Variants in COL22A1 observed in about 807,000 individuals in gnomAD.
COL22A1 encodes collagen type XXII alpha 1 chain.
A neutral mutation model predicts 248.9 loss-of-function variants in COL22A1; 221 were observed. The ratio of observed to expected loss-of-function variants is 0.89; its 90% CI spans 0.80 to 0.99. The LOEUF is 0.99. Among genes scored for constraint, COL22A1 ranks in the 50% least tolerant of loss-of-function variants. COL22A1 has a pLI of 0.00. For missense variants in COL22A1, 2,240 were observed against 2,179.0 expected (o/e 1.03, Z -0.56); for synonymous variants, 891 against 793.4 (o/e 1.12, Z -2.07).
chr8:138,604,413 G>C (rs1818270865), intron 59 of COL22A1, among the ~76,000 whole-genome samples: 1 of 152,226 alleles, frequency 6.6e-6, no homozygotes, highest in East Asian at 1.9e-4. Flanking sequence ...CCCAGTGGCA[G>C]AGACAGAGAG....
chr8:138,776,709 T>C (rs1814494703), intron 15 of COL22A1, among the ~76,000 whole-genome samples: 1 of 152,056 alleles, frequency 6.6e-6, no homozygotes, highest in African/African-American at 2.4e-5. Context: ...AACGCTGCAT[T>C]TTCTGCCTCC....
rs909512784 is a variant in COL22A1, at chr8:138,660,780, GCA to G, written c.3241-302_3241-301del. Reference sequence around the variant, plus strand: ...ACACAGAACATGTGCATGCACGCATGCACACACACACACAGACACACAGACAC... The same window carrying G: ...ACACAGAACATGTGCATGCACGCATGCACACACACACAGACACACAGACAC... On this transcript the variant is annotated intron_variant, in intron 43 of 64. Transcript: ENST00000303045. 3.0e-4 allele frequency among the ~76,000 whole-genome samples: 39 copies of G among 128,284 alleles called. 1 individual carries two copies. The highest frequency in any genetic ancestry group is 1.2e-3 in the African/African-American group (39 of 31,284). 84.2% of individuals were successfully genotyped at this position (128,284 alleles called of 152,430 possible).
At chr8:138,655,225 T>C (rs973012398) in intron 45 of COL22A1, among the ~76,000 whole-genome samples, 16 of 152,222 alleles carry the variant, frequency 1.1e-4, no homozygotes, top group African/African-American at 3.4e-4. Context: ...ATTAAACATT[T>C]AGTGTAGCAT....
At chr8:138,871,171 C>T (rs1401254537) in intron 3 of COL22A1, among the ~76,000 whole-genome samples, 2 of 152,124 alleles carry the variant, frequency 1.3e-5, no homozygotes, top group Non-Finnish European at 2.9e-5. Context: ...CAGCCAGCCT[C>T]CCTGCCGTCC....
intron 22 of COL22A1, among the ~76,000 whole-genome samples, chr8:138,742,035 TGGA>T (rs1313138929): frequency 1.3e-5 from 2 of 151,536 alleles, no homozygotes; most frequent in African/African-American, 4.9e-5. Context: ...ATGGTGATGG[TGGA>T]GTTGATGGTG....
rs1824369547 is a variant in COL22A1, at chr8:138,883,124, G to A, written c.49C>T (p.Leu17=). 1.9e-6 allele frequency: 3 copies of A among 1,599,082 alleles called. No homozygotes were observed. The highest frequency in any genetic ancestry group is 1.3e-5 in the African/African-American group (1 of 74,690). ...CAGCCGCCGCCCCCACTCCACAGCA[G>A]CAGCATCCAGAGGAGGCCAGCCACA... ...NAVAGLLWML[L]LWSGGGGCQA... The change falls in exon 2 of 65, where the codon CTG becomes TTG. Residue 17 remains leucine (L), a synonymous_variant. Coordinates refer to ENST00000303045, the MANE Select transcript of COL22A1 (RefSeq NM_152888.3).
intron 32 of COL22A1, among the ~76,000 whole-genome samples, chr8:138,699,746 A>T (rs1827801254): frequency 6.6e-6 from 1 of 152,174 alleles, no homozygotes; most frequent in Non-Finnish European, 1.5e-5. Flanking sequence ...ATCCATGGGG[A>T]ACATCTTTGC....
intron 1 of COL22A1, among the ~76,000 whole-genome samples, chr8:138,908,696 C>T (rs915765277): frequency 7.9e-5 from 12 of 152,066 alleles, no homozygotes; most frequent in African/African-American, 1.2e-4. Flanking sequence ...TCTCACATAC[C>T]GCCTGGCACC....
intron 31 of COL22A1, 32 bp downstream of exon 31, chr8:138,703,274 G>T: frequency 4.4e-6 from 7 of 1,594,728 alleles, no homozygotes; most frequent in Non-Finnish European, 6.0e-6. Context: ...TAGGAATTCA[G>T]AGGAGAAAGA....
intron 1 of COL22A1, among the ~76,000 whole-genome samples, chr8:138,902,890 C>T (rs1351681335): frequency 6.6e-6 from 1 of 151,702 alleles, no homozygotes; most frequent in African/African-American, 2.4e-5. Flanking sequence ...TCACCAAACG[C>T]GGTTGGTCTC....
intron 56 of COL22A1, among the ~76,000 whole-genome samples, chr8:138,608,729 C>G (rs764868193): frequency 1.1e-4 from 16 of 152,220 alleles, no homozygotes; most frequent in Non-Finnish European, 1.5e-4. Flanking sequence ...TTCTATGAAG[C>G]CAAAAATTCA....
At chr8:138,670,431 G>A (rs1178191682) in intron 41 of COL22A1, among the ~76,000 whole-genome samples, 1 of 152,144 alleles carries the variant, frequency 6.6e-6, no homozygotes, top group Admixed American at 6.5e-5. Context: ...GGGAGCTGGG[G>A]CCTGGGGTAA....
intron 9 of COL22A1, among the ~76,000 whole-genome samples, chr8:138,809,985 G>A (rs1021280549): frequency 5.3e-5 from 8 of 152,184 alleles, no homozygotes; most frequent in African/African-American, 1.4e-4. Context: ...TTTTATGGAA[G>A]TAACGATAAG....
chr8:138,885,180 C>G (rs946386934), intron 1 of COL22A1, among the ~76,000 whole-genome samples: 1 of 152,214 alleles, frequency 6.6e-6, no homozygotes, highest in Admixed American at 6.5e-5. Context: ...TCCAAGGACA[C>G]AAACATGCTC....
At chr8:138,662,730 G>A (rs1198847313) in intron 42 of COL22A1, among the ~76,000 whole-genome samples, 1 of 151,982 alleles carries the variant, frequency 6.6e-6, no homozygotes, top group Non-Finnish European at 1.5e-5. Context: ...CCTCTCACAT[G>A]ACCCCTCCAT....
intron 6 of COL22A1, chr8:138,825,705 C>A (rs1819526582): frequency 6.6e-6 from 1 of 152,188 alleles, no homozygotes; most frequent in Non-Finnish European, 1.5e-5. Context: ...ATGAGTGTGA[C>A]TGCTGGAGTC....
At chr8:138,738,429 T>C (rs905444998) in intron 22 of COL22A1, among the ~76,000 whole-genome samples, 3 of 152,238 alleles carry the variant, frequency 2.0e-5, no homozygotes, top group African/African-American at 7.2e-5. Context: ...GTCCTGGTGG[T>C]TTTCTTGATT....
intron 16 of COL22A1, among the ~76,000 whole-genome samples, chr8:138,773,704 T>C (rs1052064984): frequency 1.3e-5 from 2 of 152,192 alleles, no homozygotes; most frequent in African/African-American, 2.4e-5. Context: ...CCAGGCACTC[T>C]GTGGGTGCTG....
intron 47 of COL22A1, among the ~76,000 whole-genome samples, chr8:138,646,422 G>A (rs1822209501): frequency 1.3e-5 from 2 of 152,314 alleles, no homozygotes; most frequent in South Asian, 4.1e-4. Flanking sequence ...ACAAGCAGTT[G>A]TTTGTAAATG....
Sources: gnomAD v4.1 joint callset for allele counts (sites outside exome capture counted in the v4.1 genomes callset) on GRCh38, gnomAD v4.1.1 for gene constraint, MANE v1.5 for transcripts, NCBI Gene and HGNC (gene_info 2026-07-23, HGNC 2026-07-21) for gene names.